The following DNAH7 variants were observed in gnomAD, a reference collection of about 807,000 sequenced individuals.
The protein encoded by DNAH7 is dynein axonemal heavy chain 7, also known as axonemal beta dynein heavy chain 7.
A neutral mutation model predicts 444.6 loss-of-function variants in DNAH7; 397 were observed. That is an observed-to-expected ratio of 0.89 (90% confidence interval 0.82 to 0.97). DNAH7 has a LOEUF of 0.97. DNAH7 is among the 50% of genes least tolerant of loss of function. DNAH7 has a pLI of 0.00. For missense variants in DNAH7, 4,902 were observed against 4,800.8 expected, an observed-to-expected ratio of 1.02 and a Z score of -0.62; for synonymous variants, 1,636 against 1,624.4, an observed-to-expected ratio of 1.01 and a Z score of -0.17.
chr2:195,834,118 G>A, intron 48 of DNAH7, 88 bp downstream of exon 48: 1 of 1,328,104 alleles, frequency 7.5e-7, no homozygotes, highest in Non-Finnish European at 1.0e-6. Context: ...GAGGTGGGAG[G>A]ATCGCTTGAA....
chr2:195,894,856 T>C (rs1314235667), intron 30 of DNAH7, 120 bp downstream of exon 30: 41 of 1,023,212 alleles, frequency 4.0e-5, no homozygotes, highest in Non-Finnish European at 5.4e-5. Flanking sequence ...TATTTTCTCT[T>C]TGACTCATTT....
intron 47 of DNAH7, among the ~76,000 whole-genome samples, chr2:195,835,570 G>T (rs1158726852): frequency 1.3e-5 from 2 of 152,114 alleles, no homozygotes; most frequent in Non-Finnish European, 2.9e-5. Flanking sequence ...CTTAGGCCGG[G>T]TGCGGTAGCT....
chr2:195,866,731 T>C (rs1379275751), intron 40 of DNAH7, among the ~76,000 whole-genome samples: 8 of 152,190 alleles, frequency 5.3e-5, no homozygotes, highest in African/African-American at 1.7e-4. Flanking sequence ...CCTGGGAATA[T>C]CTTTCCATTT....
intron 60 of DNAH7, 100 bp from the exon 61 acceptor site, chr2:195,771,990 G>T: frequency 2.0e-6 from 2 of 978,444 alleles, no homozygotes; most frequent in Non-Finnish European, 3.2e-6. Flanking sequence ...AAAGAACATT[G>T]CTCTCTATTT....
intron 63 of DNAH7, among the ~76,000 whole-genome samples, chr2:195,747,821 C>T (rs940759091): frequency 6.6e-4 from 101 of 152,102 alleles, no homozygotes; most frequent in South Asian, 2.9e-3. Context: ...AATTAGGTAT[C>T]GATGGGACAT....
At chr2:196,054,545 A>T (rs1697682435) in intron 2 of DNAH7, among the ~76,000 whole-genome samples, 1 of 152,120 alleles carries the variant, frequency 6.6e-6, no homozygotes, top group Non-Finnish European at 1.5e-5. Context: ...ATATTCTGAT[A>T]TATGAATTAT....
chr2:195,916,476 G>A (rs1043750621), intron 24 of DNAH7, among the ~76,000 whole-genome samples: 3 of 118,506 alleles, frequency 2.5e-5, no homozygotes, highest in East Asian at 2.9e-4. Flanking sequence ...TCAGGCGACC[G>A]TCAGGTGATG....
intron 24 of DNAH7, among the ~76,000 whole-genome samples, chr2:195,915,673 A>G (rs944441081): frequency 6.6e-6 from 1 of 152,236 alleles, no homozygotes; most frequent in Non-Finnish European, 1.5e-5. Context: ...AAATCCTGAC[A>G]TAAATGGGAC....
At chr2:195,772,652 GTCT>G (rs1398539747) in intron 60 of DNAH7, among the ~76,000 whole-genome samples, 3 of 152,014 alleles carry the variant, frequency 2.0e-5, no homozygotes, top group African/African-American at 7.2e-5. Flanking sequence ...ACTGTGTTTA[GTCT>G]TCTTTTAGAT....
intron 17 of DNAH7, among the ~76,000 whole-genome samples, chr2:195,965,698 T>C (rs925466490): frequency 6.6e-6 from 1 of 152,254 alleles, no homozygotes; most frequent in African/African-American, 2.4e-5. Flanking sequence ...TCTTGGTACT[T>C]TGTGTGTATC....
At chr2:195,852,931 G>C (rs1272061548) in intron 46 of DNAH7, among the ~76,000 whole-genome samples, 1 of 150,344 alleles carries the variant, frequency 6.7e-6, no homozygotes, top group Non-Finnish European at 1.5e-5. Context: ...GAGAGAGAGA[G>C]AGAGAGAGAG....
intron 47 of DNAH7, among the ~76,000 whole-genome samples, chr2:195,839,831 G>A (rs1698575614): frequency 6.6e-6 from 1 of 151,740 alleles, no homozygotes; most frequent in Non-Finnish European, 1.5e-5. Flanking sequence ...TAGATCACCT[G>A]GATAGACCTG....
chr2:196,022,994 G>A (rs1695470553), intron 8 of DNAH7, among the ~76,000 whole-genome samples: 1 of 152,172 alleles, frequency 6.6e-6, no homozygotes, highest in Non-Finnish European at 1.5e-5. Context: ...CCAACACCCA[G>A]GTGCCAGCAC....
chr2:196,048,333 A>ACT lies in DNAH7; in HGVS notation c.211_212dup (p.Ser71ArgfsTer70). On this transcript the variant is annotated frameshift_variant, in exon 4 of 65. Coordinates refer to ENST00000312428, the MANE Select transcript of DNAH7 (RefSeq NM_018897.3). LOFTEE classifies it high-confidence loss of function. Reference sequence around the variant, plus strand: ...CATTTTTAACACTAAATGGTTCTGGACTCTCATCATCCTGCTTTACACTCA... The same window carrying ACT: ...CATTTTTAACACTAAATGGTTCTGGACTCTCTCATCATCCTGCTTTACACTCA... 1 of 1,613,910 alleles carries ACT rather than the reference A, an allele frequency of 6.2e-7. No individual in the cohort carries two copies. The highest frequency in any genetic ancestry group is 1.1e-5 in the South Asian group (1 of 91,062).
At chr2:195,930,560 C>T (rs1162039548) in intron 21 of DNAH7, among the ~76,000 whole-genome samples, 2 of 152,130 alleles carry the variant, frequency 1.3e-5, no homozygotes, top group South Asian at 2.1e-4. Flanking sequence ...AAAGGGAATG[C>T]TTATACACTA....
intron 30 of DNAH7, among the ~76,000 whole-genome samples, chr2:195,892,119 ATTC>A (rs1702047858): frequency 6.6e-6 from 1 of 152,234 alleles, no homozygotes; most frequent in Non-Finnish European, 1.5e-5. Flanking sequence ...GGGTTGGCAA[ATTC>A]TTCTGTAAAA....
intron 24 of DNAH7, among the ~76,000 whole-genome samples, chr2:195,912,852 T>A (rs943590549): frequency 1.3e-5 from 2 of 152,274 alleles, no homozygotes; most frequent in South Asian, 4.1e-4. Context: ...TAAAAATAGC[T>A]AAAAATTGAG....
At chr2:196,038,073 A>T (rs1345570659) in intron 5 of DNAH7, among the ~76,000 whole-genome samples, 1 of 152,184 alleles carries the variant, frequency 6.6e-6, no homozygotes, top group Non-Finnish European at 1.5e-5. Flanking sequence ...ATCAGCAGAA[A>T]CCTTAAAGAC....
rs1693981953 is a variant in DNAH7 at position 195,754,614 on chromosome 2, G to T, written c.11587-100C>A. Reference sequence around the variant, plus strand: ...CTGGTTGCCCAGGCAGGGCTCAGGTGATCCTCTCACCTCAGCCTCCCAAGT... The same window carrying T: ...CTGGTTGCCCAGGCAGGGCTCAGGTTATCCTCTCACCTCAGCCTCCCAAGT... On this transcript the variant is annotated intron_variant, in intron 62 of 64. Coordinates refer to ENST00000312428, the MANE Select transcript of DNAH7 (RefSeq NM_018897.3). 4.9e-6 allele frequency: 6 copies of T among 1,222,314 alleles called. No homozygotes were observed. The Admixed American group carries it at 1.5e-4, about 31-fold the overall frequency. 75.7% of individuals were successfully genotyped at this position (1,222,314 alleles called of 1,614,324 possible). A position where few individuals can be genotyped will look rare whatever the true frequency, so the allele number is the denominator to read the frequency against.
Sources: allele counts gnomAD v4.1 joint callset (sites outside exome capture counted in the v4.1 genomes callset), GRCh38; gene constraint gnomAD v4.1.1; transcripts MANE v1.5; gene names NCBI Gene and HGNC (gene_info 2026-07-23, HGNC 2026-07-21).